P4HA3: variants seen among roughly 807,000 people sequenced by gnomAD.
P4HA3 encodes prolyl 4-hydroxylase subunit alpha-3.
P4HA3 carries 60 observed loss-of-function variants against 66.7 expected under a neutral mutation model. The observed-to-expected ratio is 0.90, with a 90% CI of 0.73 to 1.12. The LOEUF is 1.12. P4HA3 is among the 50% of genes most tolerant of loss of function. The pLI is 0.00. For missense variants in P4HA3, 683 were observed against 685.8 expected (o/e 1.00, Z 0.05); for synonymous variants, 263 against 274.6 (o/e 0.96, Z 0.42).
intron 4 of P4HA3, among the ~76,000 whole-genome samples, chr11:74,297,708 C>T (rs987812216): frequency 3.3e-5 from 5 of 152,160 alleles, no homozygotes; most frequent in Non-Finnish European, 7.3e-5. Flanking sequence ...ACAGTGACTC[C>T]AGCTCTGTAA....
At position 74,311,425 on chromosome 11, in the gene P4HA3, G is replaced by A. The variant is rs865870137; in HGVS notation, c.187C>T (p.Arg63Trp). The A allele has an allele frequency of 3.3e-6, 5 of 1,529,400 alleles. No homozygotes were observed. In the East Asian group the frequency reaches 1.0e-4, roughly 30 times the overall value. 94.7% of individuals were successfully genotyped at this position (1,529,400 alleles called of 1,614,324 possible). Residue 63 changes from arginine (R) to tryptophan (W), a missense_variant, in exon 1 of 13, where the codon CGG (arginine) becomes TGG (tryptophan). Transcript: ENST00000331597. ...TCGTGCCCTCACCTAGTCAGGTCCCGCAGCCGCGCCTCCTCCCCGCGCAGG... is the reference window on the plus strand; with the variant it reads ...TCGTGCCCTCACCTAGTCAGGTCCCACAGCCGCGCCTCCTCCCCGCGCAGG... ...RYLRGEEARL[R>W]DLTRFYDKVL... is the part of the protein sequence containing the mutation.
chr11:74,270,058 C>T (rs570173512), intron 10 of P4HA3, among the ~76,000 whole-genome samples: 42 of 152,256 alleles, frequency 2.8e-4, no homozygotes, highest in African/African-American at 9.9e-4. Context: ...AAGACACACA[C>T]ACATACACAC....
chr11:74,301,129 T>A (rs1861393768), intron 3 of P4HA3, among the ~76,000 whole-genome samples: 2 of 152,042 alleles, frequency 1.3e-5, no homozygotes, highest in African/African-American at 2.4e-5. Context: ...GTATGTAACA[T>A]GTTTTTTTTT....
chr11:74,262,826 C>T (rs1591081978), downstream of P4HA3, among the ~76,000 whole-genome samples: 1 of 152,240 alleles, frequency 6.6e-6, no homozygotes, highest in African/African-American at 2.4e-5. Context: ...ACAGGAGACT[C>T]TTTCAGTGGT....
At chr11:74,251,385 C>T in intron 15 of P4HA3, 1 of 1,362,672 alleles carries the variant, frequency 7.3e-7, no homozygotes, top group Non-Finnish European at 9.4e-7. Context: ...TGTGAGAAAA[C>T]ACCATTCTGT....
chr11:74,289,135 T>TAAAAAAA lies in P4HA3; in HGVS notation c.718-12_718-6dup. 4 of 1,377,800 alleles carry TAAAAAAA rather than the reference T, an allele frequency of 2.9e-6. No homozygotes were observed. Among genetic ancestry groups the TAAAAAAA allele is most frequent in the Admixed American group, 2.2e-5 (1 of 44,686 alleles). The allele number at this position is 1,377,800 out of a possible 1,614,324, so 85.3% of individuals were successfully genotyped here. A position where few individuals can be genotyped will look rare whatever the true frequency, so the allele number is the denominator to read the frequency against. On this transcript the variant is annotated splice_polypyrimidine_tract_variant and splice_region_variant and intron_variant, in intron 4 of 12. Transcript: ENST00000331597. Reference sequence around the variant, plus strand: ...GGCACACGAAACATTTCCTGCCTGTTAAAAAAAAAAAAAAGAAAAGAAAGC... The same window carrying TAAAAAAA: ...GGCACACGAAACATTTCCTGCCTGTTAAAAAAAAAAAAAAAAAAAAAGAAAAGAAAGC...
At chr11:74,293,885 T>G (rs1861121876) in intron 4 of P4HA3, among the ~76,000 whole-genome samples, 1 of 152,242 alleles carries the variant, frequency 6.6e-6, no homozygotes, top group South Asian at 2.1e-4. Flanking sequence ...TAACATTTTT[T>G]CCTTCATTTC....
rs751146028 is a variant in P4HA3 at position 74,298,237 on chromosome 11, T to C, written c.692A>G (p.Asp231Gly). Reference sequence around the variant, plus strand: ...CCGGAAATAAGCAAAGGCCAAGTGATCCAAGGCATCTTCTAGACTTGCCTC... The same window carrying C: ...CCGGAAATAAGCAAAGGCCAAGTGACCCAAGGCATCTTCTAGACTTGCCTC... ...EDEASLEDAL[D>G]HLAFAYFRAG... The change falls in exon 4 of 13, where the codon GAT (aspartate) becomes GGT (glycine). Residue 231 changes from aspartate (D) to glycine (G), a missense_variant. By Grantham distance (94) the Asp-to-Gly change is moderately conservative (BLOSUM62 -1). Coordinates refer to ENST00000331597, the MANE Select transcript of P4HA3 (RefSeq NM_182904.5). 63 of 1,613,942 alleles carry C rather than the reference T, an allele frequency of 3.9e-5. No homozygotes were observed. The East Asian group carries it at 1.4e-3, about 35-fold the overall frequency.
intron 1 of P4HA3, among the ~76,000 whole-genome samples, chr11:74,310,665 G>A (rs1861709409): frequency 6.6e-6 from 1 of 152,188 alleles, no homozygotes; most frequent in South Asian, 2.1e-4. Context: ...CTGGCTCTTA[G>A]TAGGCACTCA....
intron 15 of P4HA3, among the ~76,000 whole-genome samples, chr11:74,258,889 A>AG (rs113916584): frequency 0.11 from 16,476 of 152,238 alleles, 2,409 homozygotes; most frequent in African/African-American, 0.34. Flanking sequence ...TGCCTGCAGT[A>AG]ATAAGGTGAA....
chr11:74,302,261 T>TC, intron 3 of P4HA3, 108 bp downstream of exon 3: 1 of 1,049,612 alleles, frequency 9.5e-7, no homozygotes, highest in Non-Finnish European at 1.4e-6. Flanking sequence ...ATATCAAATT[T>TC]CCAAGTTTAC....
At chr11:74,251,616 T>C (rs1387171677) in intron 15 of P4HA3, 4 of 1,608,526 alleles carry the variant, frequency 2.5e-6, no homozygotes, top group Non-Finnish European at 3.4e-6. Flanking sequence ...CACTAACCTT[T>C]ATATGGCCTG....
In P4HA3 at chr11:74,304,329, C is replaced by T. The variant is rs765896550; in HGVS notation, c.284G>A (p.Arg95His). The T allele has an allele frequency of 3.1e-6, 5 of 1,613,886 alleles. No individual in the cohort carries two copies. Among genetic ancestry groups the T allele is most frequent in the African/African-American group, 2.7e-5 (2 of 74,862 alleles). Residue 95 changes from arginine (R) to histidine (H), a missense_variant, in exon 2 of 13, where the codon CGC becomes CAC. By Grantham distance (29) the Arg-to-His change is conservative. Coordinates refer to ENST00000331597, the MANE Select transcript of P4HA3 (RefSeq NM_182904.5). Reference protein sequence around the residue: ...NPLLAFTLIKRLQSDWRNVVH... With the variant: ...NPLLAFTLIKHLQSDWRNVVH... ...CACATTCCTCCAGTCAGACTGCAGG[C>T]GTTTGATGAGAGTAAATGCAAGCAG...
intron 5 of P4HA3, chr11:74,287,316 C>A (rs1479284175): frequency 6.2e-6 from 8 of 1,288,904 alleles, no homozygotes; most frequent in Non-Finnish European, 8.1e-6. Context: ...AAGGAAGGGG[C>A]AGAAATTACC....
chr11:74,255,854 G>C (rs934765318), intron 15 of P4HA3: 5 of 451,590 alleles, frequency 1.1e-5, no homozygotes, highest in Admixed American at 2.6e-5. Context: ...AATATTTCAG[G>C]GTAGTTCATG....
At chr11:74,294,004 A>G (rs1176504504) in intron 4 of P4HA3, among the ~76,000 whole-genome samples, 1 of 152,096 alleles carries the variant, frequency 6.6e-6, no homozygotes, top group Non-Finnish European at 1.5e-5. Context: ...GCCTTGCTAG[A>G]TTGGGGAAGT....
chr11:74,264,560 G>A (rs1859959507), downstream of P4HA3, among the ~76,000 whole-genome samples: 1 of 152,184 alleles, frequency 6.6e-6, no homozygotes, highest in South Asian at 2.1e-4. Flanking sequence ...TCTAGGGGCA[G>A]GGTCAGCATC....
intron 7 of P4HA3, among the ~76,000 whole-genome samples, chr11:74,284,794 C>T (rs1310826197): frequency 6.6e-6 from 1 of 152,002 alleles, no homozygotes; most frequent in Non-Finnish European, 1.5e-5. Context: ...GGTAGTGGCT[C>T]CCCCATGGAA....
chr11:74,303,835 C>T (rs1274843023), intron 2 of P4HA3, among the ~76,000 whole-genome samples: 1 of 151,746 alleles, frequency 6.6e-6, no homozygotes, highest in East Asian at 2.0e-4. Flanking sequence ...CAGCCCACCT[C>T]AGCCTCCCAA....
Sources: gnomAD v4.1 joint callset for allele counts (sites outside exome capture counted in the v4.1 genomes callset) on GRCh38, gnomAD v4.1.1 for gene constraint, MANE v1.5 for transcripts, NCBI Gene and HGNC (gene_info 2026-07-23, HGNC 2026-07-21) for gene names.